RXRA: variants seen among roughly 807,000 people sequenced by gnomAD.
RXRA encodes retinoid X receptor alpha.
A neutral mutation model predicts 44.5 loss-of-function variants in RXRA; 5 were observed. That is an observed-to-expected ratio of 0.11 (90% confidence interval 0.06 to 0.24). RXRA has a LOEUF of 0.24. Among genes scored for constraint, RXRA ranks in the 10% least tolerant of loss-of-function variants. The pLI is 1.00. For synonymous variants in RXRA, 291 were observed against 271.4 expected (o/e 1.07, Z -0.71); for missense variants, 412 against 646.5 (o/e 0.64, Z 3.93).
At chr9:134,327,180 G>A (rs2119000543) in intron 1 of RXRA, among the ~76,000 whole-genome samples, 1 of 152,240 alleles carries the variant, frequency 6.6e-6, no homozygotes, top group East Asian at 1.9e-4. Flanking sequence ...TATCCCCAAA[G>A]CAGCCCACGC....
intron 1 of RXRA, among the ~76,000 whole-genome samples, chr9:134,370,339 C>T (rs995273511): frequency 6.6e-6 from 1 of 152,214 alleles, no homozygotes; most frequent in South Asian, 2.1e-4. Context: ...CTCGCCGTGT[C>T]CACTGCTGGG....
At chr9:134,374,475 C>T (rs1014399743) in intron 1 of RXRA, among the ~76,000 whole-genome samples, 7 of 152,196 alleles carry the variant, frequency 4.6e-5, no homozygotes, top group Non-Finnish European at 8.8e-5. Context: ...GGTCGCTGGT[C>T]ACAGGGATCC....
chr9:134,426,350 A>G lies in RXRA; in HGVS notation c.911-2758A>G, dbSNP rs560973490. 1,317 of 985,466 alleles carry G rather than the reference A, an allele frequency of 1.3e-3. 3 individuals are homozygous for G. The highest frequency in any genetic ancestry group is 1.5e-3 in the Non-Finnish European group (1,269 of 829,930). 61.0% of individuals were successfully genotyped at this position (985,466 alleles called of 1,614,324 possible). A position where few individuals can be genotyped will look rare whatever the true frequency, so the allele number is the denominator to read the frequency against. ...GTGAAGACACCCCAAAGGTTACTGT[A>G]AAGTGGGTTCCTCTCCTATTTTTCT... On this transcript the variant is annotated intron_variant, in intron 6 of 9. Coordinates refer to ENST00000481739, the MANE Select transcript of RXRA (RefSeq NM_002957.6). The surrounding 1 kb of genome is among the most constrained non-coding windows in gnomAD (Gnocchi z 4.6).
intron 2 of RXRA, chr9:134,402,135 C>T: frequency 5.5e-6 from 3 of 542,132 alleles, no homozygotes; most frequent in South Asian, 2.5e-5. Flanking sequence ...CCCACGTGGC[C>T]CCTTCCCATG....
At chr9:134,328,580 AT>A (rs1316438489) in intron 1 of RXRA, among the ~76,000 whole-genome samples, 1 of 152,130 alleles carries the variant, frequency 6.6e-6, no homozygotes, top group Non-Finnish European at 1.5e-5. Context: ...CTGGGCTCTG[AT>A]TACATTTTAT....
At chr9:134,340,785 G>A (rs782257721) in intron 1 of RXRA, among the ~76,000 whole-genome samples, 3 of 152,164 alleles carry the variant, frequency 2.0e-5, no homozygotes, top group Admixed American at 1.3e-4. Flanking sequence ...TCTCAGCTCC[G>A]GGAGCAAGGA....
rs1830101544 is a variant in RXRA, at chr9:134,342,756, G to T, written c.28+16097G>T. On this transcript the variant is annotated intron_variant, in intron 1 of 9. Transcript: ENST00000481739. This position sits in a 1 kb window ranked among gnomAD's most constrained non-coding sequence, Gnocchi z 4.4. ...TTTGGGGGAACCTGGCCCCATAGGAGAGTGGACAGCGCCGCGGAGGAGGCT... is the reference window on the plus strand; with the variant it reads ...TTTGGGGGAACCTGGCCCCATAGGATAGTGGACAGCGCCGCGGAGGAGGCT... 6.6e-6 allele frequency among the ~76,000 whole-genome samples: 1 copy of T among 152,270 alleles called. No individual in the cohort carries two copies. The highest frequency in any genetic ancestry group is 1.5e-5 in the Non-Finnish European group (1 of 67,996).
At chr9:134,410,643 C>A (rs1035471952) in intron 4 of RXRA, among the ~76,000 whole-genome samples, 38 of 152,302 alleles carry the variant, frequency 2.5e-4, no homozygotes, top group African/African-American at 8.7e-4. Flanking sequence ...GTGGCCGGGG[C>A]CCCTGTGCCC....
chr9:134,433,078 C>A lies in RXRA; in HGVS notation c.1136-1024C>A, dbSNP rs1453745775. ...AGCCCTCTCGGCTCCTGGCCCTGACCTTCTGACCTTGCCCTTTGTCAGACC... is the reference window on the plus strand; with the variant it reads ...AGCCCTCTCGGCTCCTGGCCCTGACATTCTGACCTTGCCCTTTGTCAGACC... On this transcript the variant is annotated intron_variant, in intron 8 of 9. Coordinates refer to ENST00000481739, the MANE Select transcript of RXRA (RefSeq NM_002957.6). This position sits in a 1 kb window ranked among gnomAD's most constrained non-coding sequence, Gnocchi z 4.2. Among the ~76,000 whole-genome samples the A allele has an allele frequency of 7.2e-5, 11 of 152,106 alleles. No homozygotes were observed. The highest frequency in any genetic ancestry group is 1.5e-4 in the Non-Finnish European group (10 of 68,010).
At chr9:134,430,458 C>T (rs1831514996) in intron 7 of RXRA, among the ~76,000 whole-genome samples, 1 of 152,180 alleles carries the variant, frequency 6.6e-6, no homozygotes, top group Non-Finnish European at 1.5e-5. Context: ...CAGCAATGCC[C>T]CAGGGGGTGG....
At chr9:134,329,354 G>A (rs957422746) in intron 1 of RXRA, among the ~76,000 whole-genome samples, 4 of 152,270 alleles carry the variant, frequency 2.6e-5, no homozygotes, top group Non-Finnish European at 4.4e-5. Context: ...GTCTTTTAGC[G>A]CGGGCGCTGC....
At chr9:134,408,504 G>T (rs1831093836) in intron 3 of RXRA, among the ~76,000 whole-genome samples, 1 of 152,240 alleles carries the variant, frequency 6.6e-6, no homozygotes, top group African/African-American at 2.4e-5. Flanking sequence ...AGTGAGTGTT[G>T]GGTGGGGTGG....
intron 2 of RXRA, 107 bp downstream of exon 2, chr9:134,401,989 G>A (rs1338413491): frequency 1.1e-6 from 1 of 950,182 alleles, no homozygotes; most frequent in South Asian, 1.7e-5. Flanking sequence ...GGTAGGTGCT[G>A]TGGTCTCCCC....
Position 134,335,053 on chromosome 9 carries a change from C to T in RXRA, c.28+8394C>T, listed in dbSNP as rs200159824. ...AGGCTAGTCCTTCTCTCTTTGGGCA[C>T]TGACCTTCCTTGCCTGGAACCTTCC... On this transcript the variant is annotated intron_variant, in intron 1 of 9. Coordinates refer to ENST00000481739, the MANE Select transcript of RXRA (RefSeq NM_002957.6). 2.5e-4 allele frequency among the ~76,000 whole-genome samples: 38 copies of T among 152,322 alleles called. No individual in the cohort carries two copies. The East Asian group carries it at 6.8e-3, about 27-fold the overall frequency.
intron 9 of RXRA, 111 bp from the exon 10 acceptor site, chr9:134,436,356 C>T: frequency 3.7e-6 from 4 of 1,092,730 alleles, no homozygotes; most frequent in Middle Eastern, 2.1e-4. Context: ...ACAGACCAGC[C>T]TCAGAGGGGT....
chr9:134,427,992 G>T (rs1213273789), intron 6 of RXRA, among the ~76,000 whole-genome samples: 1 of 152,106 alleles, frequency 6.6e-6, no homozygotes, highest in Non-Finnish European at 1.5e-5. Context: ...GTGTGTGCGC[G>T]AGGGTCCCTG....
At chr9:134,389,930 C>T (rs1830775434) in intron 1 of RXRA, among the ~76,000 whole-genome samples, 1 of 152,202 alleles carries the variant, frequency 6.6e-6, no homozygotes, top group Non-Finnish European at 1.5e-5. Context: ...AAGCTGCCTG[C>T]CACCTGTTCA....
intron 1 of RXRA, among the ~76,000 whole-genome samples, chr9:134,327,851 C>A (rs1360967795): frequency 3.3e-5 from 5 of 152,250 alleles, no homozygotes; most frequent in Admixed American, 2.6e-4. Flanking sequence ...GCGGTGGGTT[C>A]CAGGTTTGTC....
intron 1 of RXRA, among the ~76,000 whole-genome samples, chr9:134,371,574 C>T (rs1309138041): frequency 6.6e-6 from 1 of 152,262 alleles, no homozygotes; most frequent in African/African-American, 2.4e-5. Context: ...GCAGAGAACT[C>T]TCGCCCCATT....
Sources: allele counts gnomAD v4.1 joint callset (sites outside exome capture counted in the v4.1 genomes callset), GRCh38; gene constraint gnomAD v4.1.1; non-coding constraint Gnocchi (gnomAD v3.1); transcripts MANE v1.5; gene names NCBI Gene and HGNC (gene_info 2026-07-23, HGNC 2026-07-21).